CDH13: variants seen among roughly 807,000 people sequenced by gnomAD.
CDH13 encodes the protein cadherin 13.
CDH13 carries 24 observed loss-of-function variants against 63.8 expected under a neutral mutation model. That is an observed-to-expected ratio of 0.38 (90% CI 0.27 to 0.53). The LOEUF (loss-of-function observed/expected upper bound fraction) is 0.53, where lower values mean the gene tolerates loss of function less well. Ranked by LOEUF, CDH13 falls within the 20% of genes least tolerant of loss-of-function variation. The probability of loss-of-function intolerance (pLI) is 0.85; values close to 1 mark genes in which losing one functional copy is unlikely to be tolerated. For synonymous variants in CDH13, 503 were observed against 355.3 expected, an observed-to-expected ratio of 1.42 and a Z score of -4.67; for missense variants, 1,049 against 903.1, an observed-to-expected ratio of 1.16 and a Z score of -2.07.
intron 1 of CDH13, among the ~76,000 whole-genome samples, chr16:82,807,970 C>T (rs773684066): frequency 6.6e-6 from 1 of 152,090 alleles, no homozygotes; most frequent in African/African-American, 2.4e-5. Context: ...AACTTATTAA[C>T]GAGAGACAGA....
intron 2 of CDH13, among the ~76,000 whole-genome samples, chr16:82,864,609 G>C (rs771161207): frequency 6.6e-6 from 1 of 152,056 alleles, no homozygotes; most frequent in African/African-American, 2.4e-5. Flanking sequence ...CCGTAATTCA[G>C]TTACCTCCAG....
intron 6 of CDH13, among the ~76,000 whole-genome samples, chr16:83,477,136 C>T (rs1370986569): frequency 6.6e-6 from 1 of 152,236 alleles, no homozygotes; most frequent in Non-Finnish European, 1.5e-5. Context: ...ACACTGGAGG[C>T]TGAACTGCAG....
At chr16:83,353,354 A>G (rs537308764) in intron 6 of CDH13, among the ~76,000 whole-genome samples, 31 of 152,264 alleles carry the variant, frequency 2.0e-4, no homozygotes, top group African/African-American at 7.2e-4. Flanking sequence ...TCCCTCCTCC[A>G]TATCCCAGGC....
At chr16:83,460,029 C>G (rs1233197870) in intron 6 of CDH13, among the ~76,000 whole-genome samples, 4 of 151,902 alleles carry the variant, frequency 2.6e-5, no homozygotes, top group Non-Finnish European at 4.4e-5. Flanking sequence ...GGATCAGTAA[C>G]AAGATTATAT....
At chr16:83,727,316 G>C (rs1018384363) in intron 10 of CDH13, among the ~76,000 whole-genome samples, 1 of 152,062 alleles carries the variant, frequency 6.6e-6, no homozygotes, top group Admixed American at 6.5e-5. Context: ...AGACATCTAC[G>C]TGGGAAGGGA....
intron 10 of CDH13, among the ~76,000 whole-genome samples, chr16:83,685,841 C>T (rs564739938): frequency 6.6e-6 from 1 of 152,174 alleles, no homozygotes; most frequent in Non-Finnish European, 1.5e-5. Context: ...TGTGCACAGG[C>T]CTCTGCCTCT....
At chr16:82,861,517 G>A (rs1357537294) in intron 2 of CDH13, among the ~76,000 whole-genome samples, 1 of 152,168 alleles carries the variant, frequency 6.6e-6, no homozygotes, top group Non-Finnish European at 1.5e-5. Context: ...TTATTCTGTG[G>A]ATGGCTTCCT....
intron 11 of CDH13, among the ~76,000 whole-genome samples, chr16:83,778,165 G>A (rs563403873): frequency 6.6e-6 from 1 of 152,316 alleles, no homozygotes; most frequent in East Asian, 1.9e-4. Flanking sequence ...ATGCACAAAT[G>A]ATTAAAGATG....
chr16:83,522,680 G>A (rs182689643), intron 7 of CDH13, among the ~76,000 whole-genome samples: 1 of 152,308 alleles, frequency 6.6e-6, no homozygotes, highest in Admixed American at 6.5e-5. Context: ...ATCAGCAGGT[G>A]GGCGGCAGAG....
chr16:83,500,000 A>G (rs2074233979), intron 7 of CDH13, among the ~76,000 whole-genome samples: 1 of 151,906 alleles, frequency 6.6e-6, no homozygotes, highest in South Asian at 2.1e-4. Flanking sequence ...ATGGGGTTTC[A>G]CCATGTTGGC....
At chr16:83,627,557 T>C (rs925110712) in intron 8 of CDH13, among the ~76,000 whole-genome samples, 10 of 152,194 alleles carry the variant, frequency 6.6e-5, no homozygotes, top group African/African-American at 2.2e-4. Flanking sequence ...TTTTTCATTT[T>C]GTTTTGTTTT....
intron 2 of CDH13, chr16:82,953,578 C>G (rs1247763379): frequency 2.0e-5 from 3 of 152,128 alleles, no homozygotes; most frequent in African/African-American, 7.2e-5. Context: ...TGATCAGCAG[C>G]TCTGGTTGGC....
intron 8 of CDH13, among the ~76,000 whole-genome samples, chr16:83,604,543 T>A (rs1013242126): frequency 6.6e-6 from 1 of 152,226 alleles, no homozygotes; most frequent in African/African-American, 2.4e-5. Flanking sequence ...TAAAATGCTT[T>A]GTGTTTCTCT....
At chr16:82,992,827 A>G (rs1277554024) in intron 2 of CDH13, among the ~76,000 whole-genome samples, 1 of 152,226 alleles carries the variant, frequency 6.6e-6, no homozygotes. Context: ...AGAGGAACAG[A>G]AAATCAATTC....
chr16:83,189,624 C>G (rs1336156769), intron 4 of CDH13, among the ~76,000 whole-genome samples: 1 of 152,176 alleles, frequency 6.6e-6, no homozygotes, highest in East Asian at 1.9e-4. Flanking sequence ...CACAGTTGCA[C>G]TTTGTACTCT....
intron 7 of CDH13, among the ~76,000 whole-genome samples, chr16:83,531,305 G>T (rs1226967376): frequency 6.6e-6 from 1 of 152,176 alleles, no homozygotes; most frequent in Admixed American, 6.5e-5. Flanking sequence ...GCCTGGCATG[G>T]CCTGAAGGCA....
At chr16:83,366,509 T>G (rs2091259935) in intron 6 of CDH13, among the ~76,000 whole-genome samples, 1 of 152,162 alleles carries the variant, frequency 6.6e-6, no homozygotes, top group South Asian at 2.1e-4. Flanking sequence ...TAGACATCTT[T>G]CATAAGATGC....
At chr16:82,992,909 GC>G (rs1176527430) in intron 2 of CDH13, among the ~76,000 whole-genome samples, 2 of 152,156 alleles carry the variant, frequency 1.3e-5, no homozygotes, top group African/African-American at 2.4e-5. Context: ...CTAGAGAAGG[GC>G]TCAGGCTTGC....
At chr16:82,883,309 C>T (rs756942656) in intron 2 of CDH13, among the ~76,000 whole-genome samples, 18 of 152,286 alleles carry the variant, frequency 1.2e-4, no homozygotes, top group Non-Finnish European at 5.9e-5. Context: ...CCATCATCCC[C>T]ACCATCACAT....
Sources: gnomAD v4.1 joint callset for allele counts (sites outside exome capture counted in the v4.1 genomes callset) on GRCh38, gnomAD v4.1.1 for gene constraint, MANE v1.5 for transcripts, NCBI Gene and HGNC (gene_info 2026-07-23, HGNC 2026-07-21) for gene names.